CASP1: variants seen among roughly 807,000 people sequenced by gnomAD.
The protein encoded by CASP1 is caspase-1.
Under a neutral mutation model 41.2 loss-of-function variants are expected in CASP1, and 31 were observed. The observed-to-expected ratio is 0.75, with a 90% confidence interval of 0.57 to 1.02. The LOEUF (loss-of-function observed/expected upper bound fraction) is 1.02. Among genes scored for constraint, CASP1 ranks in the 50% least tolerant of loss-of-function variants. CASP1 has a pLI of 0.00. For synonymous variants in CASP1, 163 were observed against 166.5 expected (o/e 0.98, Z 0.16); for missense variants, 490 against 495.7 (o/e 0.99, Z 0.11).
chr11:105,036,380 G>C (rs146516630), upstream of CASP1, among the ~76,000 whole-genome samples: 200 of 152,206 alleles, frequency 1.3e-3, 3 homozygotes, highest in Admixed American at 0.012. Context: ...ACATTCAAGA[G>C]GGAAAGACAA....
At chr11:105,028,324 C>A (rs1440956370) in intron 7 of CASP1, among the ~76,000 whole-genome samples, 1 of 152,086 alleles carries the variant, frequency 6.6e-6, no homozygotes, top group African/African-American at 2.4e-5. Context: ...CAAGAGAATG[C>A]AAGTCCTCTC....
At chr11:105,034,041 T>C in intron 2 of CASP1, 167 bp downstream of exon 2, 2 of 1,124,236 alleles carry the variant, frequency 1.8e-6, no homozygotes, top group Non-Finnish European at 2.7e-6. Flanking sequence ...AGGAAAAGAA[T>C]CAAAGGAGAG....
Position 105,034,960 on chromosome 11 carries a change from A to T in CASP1, c.7+147T>A. On this transcript the variant is annotated intron_variant, in intron 1 of 8. Coordinates refer to ENST00000533400, the MANE Select transcript of CASP1 (RefSeq NM_001257118.3). ...TTTCTAAAGTCTGCAAGAATCTTCT[A>T]GTTCCTTCTCTCCTCCCTCTCCCCC... 1.0e-5 allele frequency: 10 copies of T among 1,002,754 alleles called. 1 individual carries two copies. In the Middle Eastern group the frequency reaches 2.9e-3, roughly 294 times the overall value. The allele number at this position is 1,002,754 out of a possible 1,614,324, so 62.1% of individuals were successfully genotyped here.
At chr11:105,033,009 T>A (rs2134854008) in intron 3 of CASP1, 55 bp downstream of exon 3, 1 of 1,085,204 alleles carries the variant, frequency 9.2e-7, no homozygotes. Flanking sequence ...CCTACAAAAT[T>A]AATGTCAAGG....
Position 105,025,817 on chromosome 11 carries a change from A to C in CASP1, c.*441T>G. 4.1e-6 allele frequency: 1 copy of C among 241,612 alleles called. No homozygotes were observed. The highest frequency in any genetic ancestry group is 8.2e-6 in the Non-Finnish European group (1 of 121,674). 15.0% of individuals were successfully genotyped at this position (241,612 alleles called of 1,614,324 possible). A position where few individuals can be genotyped will look rare whatever the true frequency, so the allele number is the denominator to read the frequency against. ...CCACTTCTAGGCCAATATCAGATGA[A>C]TCTCAAAAGGGGTCTAAATGAAAAA... On this transcript the variant is annotated 3_prime_UTR_variant, in exon 9 of 9. Transcript: ENST00000533400.
At chr11:105,035,675 A>T (rs1863986898), upstream of CASP1, among the ~76,000 whole-genome samples, 1 of 112,742 alleles carries the variant, frequency 8.9e-6, no homozygotes, top group African/African-American at 3.5e-5. Flanking sequence ...GAATGCAGTT[A>T]TTTGACCTTG....
chr11:105,035,747 C>T (rs1300948742), upstream of CASP1, among the ~76,000 whole-genome samples: 1 of 151,566 alleles, frequency 6.6e-6, no homozygotes, highest in Non-Finnish European at 1.5e-5. Flanking sequence ...TCCCGAGTAG[C>T]TGCAATTACT....
chr11:105,030,796 T>C (rs550113818), intron 4 of CASP1: 1 of 392,018 alleles, frequency 2.6e-6, no homozygotes, highest in Non-Finnish European at 4.6e-6. Flanking sequence ...TGTTCCAATT[T>C]CTGATTGTTT....
Position 105,030,358 on chromosome 11 carries a change from A to T in CASP1, c.599T>A (p.Val200Glu), listed in dbSNP as rs1190497396. ...TMLLQNLGYS[V>E]DVKKNLTASD... ...AGCAGTGAGATTTTTTTTCACATCT[A>T]CGCTGTACCCCAGATTTTGTAGCAG... The change falls in exon 5 of 9, where the codon GTA becomes GAA. Residue 200 changes from valine to glutamate, a missense_variant. Physicochemically the swap from Val to Glu is moderately radical, Grantham distance 121 (BLOSUM62 -2). Coordinates refer to ENST00000533400, the MANE Select transcript of CASP1 (RefSeq NM_001257118.3). 6.2e-7 allele frequency: 1 copy of T among 1,613,382 alleles called. No homozygotes were observed. The highest frequency in any genetic ancestry group is 8.5e-7 in the Non-Finnish European group (1 of 1,179,612).
At chr11:105,034,183 T>A (rs1356777567) in intron 2 of CASP1, 25 bp downstream of exon 2, 1 of 1,613,816 alleles carries the variant, frequency 6.2e-7, no homozygotes, top group Non-Finnish European at 8.5e-7. Flanking sequence ...CTAGGTGAAC[T>A]TGAGTGTAAG....
At chr11:105,035,877 A>G (rs1863998015), upstream of CASP1, among the ~76,000 whole-genome samples, 1 of 151,884 alleles carries the variant, frequency 6.6e-6, no homozygotes, top group South Asian at 2.1e-4. Flanking sequence ...TGGTCTCCCA[A>G]ATTGCTAGGA....
In CASP1 at chr11:105,031,146, TG is replaced by T; in HGVS notation, c.453+18del. 1 of 1,423,234 alleles carries T rather than the reference TG, an allele frequency of 7.0e-7. No individual in the cohort carries two copies. The highest frequency in any genetic ancestry group is 9.9e-7 in the Non-Finnish European group (1 of 1,006,620). 88.2% of individuals were successfully genotyped at this position (1,423,234 alleles called of 1,614,324 possible). On this transcript the variant is annotated intron_variant, in intron 4 of 8. Coordinates refer to ENST00000533400, the MANE Select transcript of CASP1 (RefSeq NM_001257118.3). ...TGTTTCTTTCACCCCACTCTATCCT[TG>T]GGTTCTGAGCATGGCACCTCTGCCG...
Position 105,030,387 on chromosome 11 carries a change from T to G in CASP1, c.570A>C (p.Thr190=). 1.2e-6 allele frequency: 2 copies of G among 1,613,718 alleles called. No homozygotes were observed. Among genetic ancestry groups the G allele is most frequent in the Non-Finnish European group, 1.7e-6 (2 of 1,179,722 alleles). The part of the protein sequence containing the change: ...TGAEVDITGM[T]MLLQNLGYSV... ...TGTACCCCAGATTTTGTAGCAGCAT[T>G]GTCATGCCTGTGATGTCAACCTCAG... The change falls in exon 5 of 9, where the codon ACA becomes ACC. Residue 190 remains threonine, a synonymous_variant. Transcript: ENST00000533400.
At chr11:105,029,542 A>C in intron 6 of CASP1, 123 bp downstream of exon 6, 1 of 696,104 alleles carries the variant, frequency 1.4e-6, no homozygotes. Flanking sequence ...TGCATTCTTG[A>C]ATACTGACAG....
chr11:105,029,933 G>A (rs1863576359), intron 5 of CASP1, 34 bp from the exon 6 acceptor site: 3 of 1,405,434 alleles, frequency 2.1e-6, no homozygotes, highest in African/African-American at 1.4e-5. Flanking sequence ...TTTCGACTAT[G>A]TAATTAACTA....
At chr11:105,034,568 GT>G (rs1863906939) in intron 1 of CASP1, 94 bp from the exon 2 acceptor site, 2 of 1,562,768 alleles carry the variant, frequency 1.3e-6, no homozygotes, top group Non-Finnish European at 1.7e-6. Flanking sequence ...GATTTCATCA[GT>G]GAAATGTCCC....
At chr11:105,032,338 AT>A (rs1255487759) in intron 3 of CASP1, among the ~76,000 whole-genome samples, 7 of 152,160 alleles carry the variant, frequency 4.6e-5, no homozygotes, top group Admixed American at 2.0e-4. Flanking sequence ...TTTTTGAGCT[AT>A]TTTTTCATAG....
At chr11:105,026,540 C>G (rs1256970523) in intron 8 of CASP1, 184 bp from the exon 9 acceptor site, 1 of 600,188 alleles carries the variant, frequency 1.7e-6, no homozygotes, top group African/African-American at 1.9e-5. Flanking sequence ...CTCCTCAGGG[C>G]ATTTTAAATC....
At chr11:105,036,386 G>C (rs973972393), upstream of CASP1, among the ~76,000 whole-genome samples, 1 of 152,090 alleles carries the variant, frequency 6.6e-6, no homozygotes, top group Non-Finnish European at 1.5e-5. Flanking sequence ...AAGAGGGAAA[G>C]ACAAACATGA....
Sources: allele counts gnomAD v4.1 joint callset (sites outside exome capture counted in the v4.1 genomes callset), GRCh38; gene constraint gnomAD v4.1.1; transcripts MANE v1.5; gene names NCBI Gene and HGNC (gene_info 2026-07-23, HGNC 2026-07-21).